ATAD3A: variants seen among roughly 807,000 people sequenced by gnomAD.
ATAD3A encodes ATPase family AAA domain containing 3A.
In ATAD3A, 46 loss-of-function variants were observed where a neutral mutation model predicts 73.8. The observed-to-expected ratio is 0.62, with a 90% confidence interval of 0.49 to 0.80. The LOEUF is 0.80. Among genes scored for constraint, ATAD3A ranks in the 30% least tolerant of loss-of-function variants. The pLI, the probability that ATAD3A is intolerant of heterozygous loss-of-function variation, is 0.00. For synonymous variants in ATAD3A, 319 were observed against 350.0 expected (o/e 0.91, Z 0.99); for missense variants, 705 against 838.0 (o/e 0.84, Z 1.96).
At chr1:1,522,633 C>G in intron 7 of ATAD3A, 111 bp from the exon 8 acceptor site, 1 of 1,557,132 alleles carries the variant, frequency 6.4e-7, no homozygotes, top group East Asian at 2.3e-5. Context: ...AGTGCACGGC[C>G]CTGTGCTTCT....
chr1:1,517,919 A>G (rs1421784033), intron 4 of ATAD3A, 144 bp downstream of exon 4: 8 of 1,101,224 alleles, frequency 7.3e-6, no homozygotes, highest in African/African-American at 1.5e-5. Flanking sequence ...CTACTCGGAC[A>G]GACACGCACC....
At chr1:1,518,891 C>T (rs554623482) in intron 4 of ATAD3A, 30 bp from the exon 5 acceptor site, 6 of 1,614,068 alleles carry the variant, frequency 3.7e-6, no homozygotes, top group African/African-American at 2.7e-5. Context: ...GTTTTAAAGG[C>T]TTTTCTCTTT....
chr1:1,526,774 G>A lies in ATAD3A; in HGVS notation c.1337+243G>A, dbSNP rs1303574653. On this transcript the variant is annotated intron_variant, in intron 13 of 15. Transcript: ENST00000378756. ...CAGTCCTGTCCTCACGGCCCTGTGC[G>A]CCGCCGCCCCAGCTTGCAGGTCCCT... Among the ~76,000 whole-genome samples the A allele has an allele frequency of 4.2e-4, 64 of 152,296 alleles. 1 individual carries two copies. The highest frequency in any genetic ancestry group is 3.9e-3 in the South Asian group (19 of 4,826).
chr1:1,521,267 C>G (rs1011329332), intron 7 of ATAD3A, among the ~76,000 whole-genome samples: 1 of 140,208 alleles, frequency 7.1e-6, no homozygotes, highest in Non-Finnish European at 1.5e-5. Context: ...CTACTGCACT[C>G]CAGCCTGGGC....
chr1:1,514,868 A>G (rs1641305521), intron 1 of ATAD3A, among the ~76,000 whole-genome samples: 1 of 152,086 alleles, frequency 6.6e-6, no homozygotes, highest in Non-Finnish European at 1.5e-5. Context: ...GTGTTAGCAG[A>G]TTTATATGTT....
chr1:1,519,081 C>A (rs1641495048), intron 5 of ATAD3A, 91 bp downstream of exon 5: 2 of 1,606,522 alleles, frequency 1.2e-6, no homozygotes, highest in Non-Finnish European at 1.7e-6. Context: ...TGCCGCCCGG[C>A]CCCTCATAGC....
chr1:1,518,831 C>T (rs1190683011), intron 4 of ATAD3A, 90 bp from the exon 5 acceptor site: 7 of 1,610,174 alleles, frequency 4.3e-6, no homozygotes, highest in East Asian at 2.2e-5. Context: ...CACTCACCCC[C>T]CTGCACACTC....
rs112308966 is a variant in ATAD3A at position 1,525,319 on chromosome 1, A to G, written c.1266+28A>G. ...GAGTGTCACTAAGCCTCTGGCCACA[A>G]TGGGGTGGTGGGGTGGGCACAGCCG... On this transcript the variant is annotated intron_variant, in intron 12 of 15. Coordinates refer to ENST00000378756, the MANE Select transcript of ATAD3A (RefSeq NM_001170535.3). 3.9e-3 allele frequency: 6,077 copies of G among 1,564,482 alleles called. 197 individuals carry two copies. The African/African-American group carries it at 0.072, about 19-fold the overall frequency.
At chr1:1,521,318 A>AC (rs1406234693) in intron 7 of ATAD3A, among the ~76,000 whole-genome samples, 1 of 148,308 alleles carries the variant, frequency 6.7e-6, no homozygotes, top group Non-Finnish European at 1.5e-5. Context: ...AAAAAAAAAA[A>AC]AAAAAAAAAA....
chr1:1,519,107 C>T lies in ATAD3A; in HGVS notation c.514+117C>T, dbSNP rs560087645. 3.2e-4 allele frequency: 501 copies of T among 1,572,742 alleles called. 2 individuals carry two copies. In the African/African-American group the frequency reaches 5.8e-3, roughly 18 times the overall value. ...CCCTCATAGCTACCAGTGCAGTGGG[C>T]GAGGCCTGCTGGGGCTCCGCGGGGT... On this transcript the variant is annotated intron_variant, in intron 5 of 15. Coordinates refer to ENST00000378756, the MANE Select transcript of ATAD3A (RefSeq NM_001170535.3).
intron 1 of ATAD3A, among the ~76,000 whole-genome samples, chr1:1,513,433 T>G (rs2100640258): frequency 6.6e-6 from 1 of 151,310 alleles, no homozygotes; most frequent in Admixed American, 6.6e-5. Context: ...TGCAGACCTG[T>G]GCCTCTGAGT....
intron 7 of ATAD3A, among the ~76,000 whole-genome samples, chr1:1,521,405 A>C (rs986399798): frequency 1.3e-5 from 2 of 151,408 alleles, no homozygotes; most frequent in South Asian, 4.2e-4. Flanking sequence ...TGAAGTTCAC[A>C]GATTCTTCTC....
intron 7 of ATAD3A, among the ~76,000 whole-genome samples, chr1:1,521,041 C>T (rs938425089): frequency 3.9e-5 from 6 of 151,934 alleles, no homozygotes; most frequent in African/African-American, 1.4e-4. Flanking sequence ...CACCTGTAAT[C>T]CCAGCACTTT....
Position 1,522,598 on chromosome 1 carries a change from C to T in ATAD3A, c.751-146C>T, listed in dbSNP as rs1427976939. On this transcript the variant is annotated intron_variant, in intron 7 of 15. Coordinates refer to ENST00000378756, the MANE Select transcript of ATAD3A (RefSeq NM_001170535.3). ...ACCGCGTGGCTGTGGGATTCGGGGC[C>T]GGGAATTCGCGTTCCTGTGGGGCCA... The T allele has an allele frequency of 9.1e-5, 134 of 1,474,906 alleles. 1 individual carries two copies. The highest frequency in any genetic ancestry group is 7.2e-4 in the South Asian group (52 of 71,954). 91.4% of individuals were successfully genotyped at this position (1,474,906 alleles called of 1,614,324 possible). A position where few individuals can be genotyped will look rare whatever the true frequency, so the allele number is the denominator to read the frequency against.
chr1:1,525,612 C>G (rs1184351626), intron 12 of ATAD3A, among the ~76,000 whole-genome samples: 3 of 152,142 alleles, frequency 2.0e-5, no homozygotes, highest in Admixed American at 6.5e-5. Flanking sequence ...GACGGGGTTT[C>G]ACCGTGTTAG....
chr1:1,516,967 C>T, intron 2 of ATAD3A: 1 of 1,016,784 alleles, frequency 9.8e-7, no homozygotes, highest in Non-Finnish European at 1.4e-6. Flanking sequence ...CCACTTTGGC[C>T]TCCCAAAGTG....
intron 15 of ATAD3A, among the ~76,000 whole-genome samples, chr1:1,529,815 AC>A (rs1641976282): frequency 6.6e-6 from 1 of 152,126 alleles, no homozygotes; most frequent in Non-Finnish European, 1.5e-5. Context: ...TTCTTCGGGG[AC>A]ACCCCTCCTG....
At chr1:1,529,133 G>A in intron 14 of ATAD3A, 90 bp from the exon 15 acceptor site, 1 of 1,549,582 alleles carries the variant, frequency 6.5e-7, no homozygotes, top group Non-Finnish European at 8.8e-7. Flanking sequence ...GTTTGGCGTG[G>A]GTGTCGGCCT....
rs143620207 is a variant in ATAD3A, at chr1:1,532,463, A to T, written c.1615-1463A>T. Among the ~76,000 whole-genome samples the T allele has an allele frequency of 1.5e-3, 232 of 152,354 alleles. 1 individual carries two copies. The East Asian group carries it at 0.02, about 13-fold the overall frequency. On this transcript the variant is annotated intron_variant, in intron 15 of 15. Transcript: ENST00000378756. ...TTTAGGTTCCCAGAAAAGTTGCAAG[A>T]GTAGCACAGAGACTTCCTGGGCCTG...
Sources: allele counts gnomAD v4.1 joint callset (sites outside exome capture counted in the v4.1 genomes callset), GRCh38; gene constraint gnomAD v4.1.1; transcripts MANE v1.5; gene names NCBI Gene and HGNC (gene_info 2026-07-23, HGNC 2026-07-21).